Variants in SYNE1 observed in about 807,000 individuals in gnomAD.
The protein encoded by SYNE1 is nesprin-1.
In SYNE1, 616 loss-of-function variants were observed where a neutral mutation model predicts 1,111.0. The observed-to-expected ratio is 0.55, with a 90% confidence interval of 0.52 to 0.59. The LOEUF is 0.59. Among genes scored for constraint, SYNE1 ranks in the 20% least tolerant of loss-of-function variants. The pLI, the probability that SYNE1 is intolerant of heterozygous loss-of-function variation, is 0.00. For synonymous variants in SYNE1, 3,855 were observed against 3,825.8 expected (o/e 1.01, Z -0.28); for missense variants, 10,006 against 10,417.0 (o/e 0.96, Z 1.72).
chr6:152,303,334 T>C lies in SYNE1; in HGVS notation c.17347-1271A>G, dbSNP rs537039762. ...CCAGAAATTGCTTGAACCCGGGAGA[T>C]GGAGGTTGCAGTGAGCCAAGATTGT... On this transcript the variant is annotated intron_variant, in intron 91 of 145. Coordinates refer to ENST00000367255, the MANE Select transcript of SYNE1 (RefSeq NM_182961.4). Among the ~76,000 whole-genome samples, 222 of 148,620 alleles carry C rather than the reference T, an allele frequency of 1.5e-3. 1 individual carries two copies. The highest frequency in any genetic ancestry group is 0.01 in the Middle Eastern group (3 of 288).
intron 56 of SYNE1, among the ~76,000 whole-genome samples, chr6:152,377,624 AAAAAAAAAAAAAAAAAATATATATAT>A (rs1442003576): frequency 1.9e-5 from 2 of 106,092 alleles, no homozygotes; most frequent in African/African-American, 8.6e-5. Context: ...AAAAAAAAAA[AAAAAAAAAAAAAAAAAATATATATAT>A]ATATATATAT....
intron 140 of SYNE1, among the ~76,000 whole-genome samples, chr6:152,139,150 C>T (rs546180388): frequency 6.6e-6 from 1 of 152,226 alleles, no homozygotes; most frequent in African/African-American, 2.4e-5. Flanking sequence ...CTTGTAGGTC[C>T]CAGAAGTACC....
chr6:152,572,803 G>C (rs1222181336), intron 3 of SYNE1, among the ~76,000 whole-genome samples: 1 of 152,192 alleles, frequency 6.6e-6, no homozygotes, highest in Non-Finnish European at 1.5e-5. Flanking sequence ...TTGTTCATGG[G>C]TGTTGTGTGT....
chr6:152,424,694 T>C (rs1177223134), intron 39 of SYNE1, among the ~76,000 whole-genome samples: 1 of 152,190 alleles, frequency 6.6e-6, no homozygotes, highest in Non-Finnish European at 1.5e-5. Context: ...AAATATAAGC[T>C]CCATGAAAGC....
chr6:152,379,732 C>A (rs1226476371), intron 56 of SYNE1, among the ~76,000 whole-genome samples: 2 of 152,176 alleles, frequency 1.3e-5, no homozygotes, highest in Non-Finnish European at 2.9e-5. Context: ...CACATTTGAA[C>A]TATTTAACAC....
chr6:152,518,504 T>C (rs927476363), intron 6 of SYNE1, among the ~76,000 whole-genome samples: 7 of 152,006 alleles, frequency 4.6e-5, no homozygotes, highest in Non-Finnish European at 8.8e-5. Context: ...TCCGCCATGA[T>C]TGTAAGCTTC....
chr6:152,245,984 C>T lies in SYNE1; in HGVS notation c.19573-1328G>A, dbSNP rs142812078. Among the ~76,000 whole-genome samples the T allele has an allele frequency of 6.0e-3, 907 of 152,186 alleles. 7 individuals carry two copies. Among genetic ancestry groups the T allele is most frequent in the African/African-American group, 0.021 (859 of 41,512 alleles). ...GCTCCCTGCATGCTGAATGTGGGGC[C>T]CCTGAGTCTTCTCTCCCTGGGGCAA... is the stretch of plus-strand genomic sequence containing the variant. On this transcript the variant is annotated intron_variant, in intron 105 of 145. Transcript: ENST00000367255.
At chr6:152,151,215 C>G (rs1428561742) in intron 135 of SYNE1, among the ~76,000 whole-genome samples, 1 of 148,770 alleles carries the variant, frequency 6.7e-6, no homozygotes, top group Non-Finnish European at 1.5e-5. Flanking sequence ...GAGTGAGACT[C>G]TCTCTAAAAA....
rs2097985578 is a variant in SYNE1, at chr6:152,409,814, CAT to C, written c.6231-107_6231-106del. ...TTCACTACGTAAAGGTATTAATACTCATAGACGGATTCCTACATACTGTCCTC... is the reference window on the plus strand; with the variant it reads ...TTCACTACGTAAAGGTATTAATACTCAGACGGATTCCTACATACTGTCCTC... On this transcript the variant is annotated intron_variant, in intron 42 of 145. Coordinates refer to ENST00000367255, the MANE Select transcript of SYNE1 (RefSeq NM_182961.4). 3.3e-6 allele frequency: 4 copies of C among 1,216,552 alleles called. No homozygotes were observed. The Admixed American group carries it at 5.3e-5, about 16-fold the overall frequency. 75.4% of individuals were successfully genotyped at this position (1,216,552 alleles called of 1,614,324 possible).
At chr6:152,314,865 C>G (rs993247651) in intron 87 of SYNE1, among the ~76,000 whole-genome samples, 1 of 147,048 alleles carries the variant, frequency 6.8e-6, no homozygotes, top group Non-Finnish European at 1.5e-5. Context: ...GGACAAGATT[C>G]ACTTGAACCT....
chr6:152,219,557 T>G (rs1339771269), intron 119 of SYNE1, among the ~76,000 whole-genome samples: 2 of 152,114 alleles, frequency 1.3e-5, no homozygotes, highest in African/African-American at 4.8e-5. Flanking sequence ...TTTGGCAGTT[T>G]TTTTCCTGCC....
At chr6:152,478,285 G>A (rs2098846952) in intron 14 of SYNE1, among the ~76,000 whole-genome samples, 1 of 152,220 alleles carries the variant, frequency 6.6e-6, no homozygotes, top group African/African-American at 2.4e-5. Flanking sequence ...GAGCTTTGCT[G>A]TAAAAGGAAG....
intron 3 of SYNE1, among the ~76,000 whole-genome samples, chr6:152,621,743 G>C (rs2099676007): frequency 6.6e-6 from 1 of 152,100 alleles, no homozygotes; most frequent in Non-Finnish European, 1.5e-5. Flanking sequence ...CTACACAAAT[G>C]TAAACACTTT....
intron 3 of SYNE1, among the ~76,000 whole-genome samples, chr6:152,625,668 G>T (rs1288191777): frequency 6.6e-6 from 1 of 152,020 alleles, no homozygotes; most frequent in African/African-American, 2.4e-5. Flanking sequence ...GCTAATTAAT[G>T]CAATAAGTAT....
At position 152,390,438 on chromosome 6, in the gene SYNE1, C is replaced by T; in HGVS notation, c.8019G>A (p.Met2673Ile). The change falls in exon 53 of 146, where the codon ATG becomes ATA. Residue 2673 changes from methionine to isoleucine, a missense_variant. Coordinates refer to ENST00000367255, the MANE Select transcript of SYNE1 (RefSeq NM_182961.4). Reference sequence around the variant, plus strand: ...TCAACTTAACTTCCCCTTCACCTTTCATCAGGAGAATATCCTGGGAAGGAA... The same window carrying T: ...TCAACTTAACTTCCCCTTCACCTTTTATCAGGAGAATATCCTGGGAAGGAA... ...RLSQIQDILL[M>I]KGEGEVKLNM... 6.2e-7 allele frequency: 1 copy of T among 1,614,096 alleles called. No homozygotes were observed. The highest frequency in any genetic ancestry group is 8.5e-7 in the Non-Finnish European group (1 of 1,180,004).
At chr6:152,599,961 A>G (rs970105874) in intron 3 of SYNE1, among the ~76,000 whole-genome samples, 5 of 152,212 alleles carry the variant, frequency 3.3e-5, no homozygotes, top group Admixed American at 6.5e-5. Context: ...TGGAAGGTAA[A>G]AGGTACGACT....
intron 42 of SYNE1, chr6:152,410,156 A>G (rs1447653151): frequency 6.2e-6 from 1 of 160,952 alleles, no homozygotes; most frequent in Non-Finnish European, 1.4e-5. Flanking sequence ...AGATTACTCA[A>G]TAATTAAAGT....
Position 152,293,673 on chromosome 6 carries a change from G to A in SYNE1, c.17927C>T (p.Ser5976Phe), listed in dbSNP as rs886044510. ...CAGCTCAATGGCCTCCATCTTCGTA[G>A]AGATGGACTGGAGGGAGTCCTGGTA... is the stretch of plus-strand genomic sequence containing the variant. ...QKYQDSLQSI[S>F]TKMEAIELKL... is the part of the protein sequence containing the mutation. Residue 5976 changes from serine to phenylalanine, a missense_variant, in exon 95 of 146, where the codon TCT becomes TTT. Ser to Phe is a radical substitution (Grantham distance 155). This residue lies in a region of SYNE1 where 4,955 missense variants were observed against 5,017.2 expected (regional missense o/e 0.99). Transcript: ENST00000367255. The A allele has an allele frequency of 8.7e-6, 14 of 1,614,064 alleles. No individual in the cohort carries two copies. The highest frequency in any genetic ancestry group is 1.1e-5 in the Non-Finnish European group (13 of 1,179,916).
chr6:152,428,235 G>A lies in SYNE1; in HGVS notation c.4946C>T (p.Ala1649Val), dbSNP rs781768971. 1.2e-5 allele frequency: 20 copies of A among 1,613,772 alleles called. No individual in the cohort carries two copies. The highest frequency in any genetic ancestry group is 1.6e-5 in the Non-Finnish European group (19 of 1,180,020). The change falls in exon 37 of 146, where the codon GCG becomes GTG. Residue 1649 changes from alanine (A) to valine (V), a missense_variant. By Grantham distance (64) the Ala-to-Val change is moderately conservative. This residue lies in a region of SYNE1 where 1,971 missense variants were observed against 2,084.1 expected (regional missense o/e 0.95). Transcript: ENST00000367255. ...ILRRAKERQT[A>V]LENLLAHWQR... ...CCAGTGGGCCAGCAGATTCTCCAGC[G>A]CCGTCTGTCTCTCCTTCGCCCTCCT...
Sources: gnomAD v4.1 joint callset for allele counts (sites outside exome capture counted in the v4.1 genomes callset) on GRCh38, gnomAD v4.1.1 for gene constraint, gnomAD v4.1.1 regional missense constraint, MANE v1.5 for transcripts, NCBI Gene and HGNC (gene_info 2026-07-23, HGNC 2026-07-21) for gene names.